CACNG5: variants seen among roughly 807,000 people sequenced by gnomAD.
The protein encoded by CACNG5 is voltage-dependent calcium channel gamma-5 subunit.
Under a neutral mutation model 24.8 loss-of-function variants are expected in CACNG5, and 18 were observed. That is an observed-to-expected ratio of 0.73 (90% confidence interval 0.50 to 1.08). The LOEUF is 1.08. Ranked by LOEUF, CACNG5 falls within the 50% of genes least tolerant of loss-of-function variation. The pLI is 0.00. For missense variants in CACNG5, 349 were observed against 367.9 expected (o/e 0.95, Z 0.42); for synonymous variants, 157 against 149.1 (o/e 1.05, Z -0.39).
intron 1 of CACNG5, among the ~76,000 whole-genome samples, chr17:66,850,518 A>G (rs1976698940): frequency 6.7e-6 from 1 of 150,280 alleles, no homozygotes; most frequent in Non-Finnish European, 1.5e-5. Flanking sequence ...GGTTTAAAGT[A>G]TATTTTTTTT....
chr17:66,879,108 G>A (rs1977124209), intron 3 of CACNG5, 50 bp downstream of exon 3: 7 of 1,360,778 alleles, frequency 5.1e-6, no homozygotes, highest in African/African-American at 1.4e-5. Flanking sequence ...ACAGAGAGGA[G>A]CAAGGCAGAG....
chr17:66,839,802 T>C (rs184839850), intron 1 of CACNG5, among the ~76,000 whole-genome samples: 16 of 152,250 alleles, frequency 1.1e-4, no homozygotes, highest in African/African-American at 3.8e-4. Context: ...CACTACCTGC[T>C]AGGCACAAAC....
Position 66,876,592 on chromosome 17 carries a change from A to C in CACNG5, c.-103-638A>C, listed in dbSNP as rs1375329170. 6.6e-5 allele frequency among the ~76,000 whole-genome samples: 10 copies of C among 152,196 alleles called. No individual in the cohort carries two copies. The East Asian group carries it at 1.7e-3, about 26-fold the overall frequency. ...TTAGGTGGATTTAGGAGGCTGTTGC[A>C]CTTGGACTGTGGTATGGCTTCTTTA... On this transcript the variant is annotated intron_variant, in intron 1 of 5. Transcript: ENST00000533854.
At chr17:66,872,703 T>G (rs1011919777) in intron 1 of CACNG5, among the ~76,000 whole-genome samples, 11 of 152,186 alleles carry the variant, frequency 7.2e-5, no homozygotes, top group Non-Finnish European at 5.9e-5. Flanking sequence ...ATTTCCTGTG[T>G]GTGCTTTGAG....
At position 66,890,047 on chromosome 17, in the gene CACNG5, A is replaced by G. The variant is rs915295785; in HGVS notation, c.*4807A>G. Among the ~76,000 whole-genome samples, 2 of 152,182 alleles carry G rather than the reference A, an allele frequency of 1.3e-5. No homozygotes were observed. The highest frequency in any genetic ancestry group is 4.8e-5 in the African/African-American group (2 of 41,452). ...CCAATTGGCAGCTCTCCAAGTCTTG[A>G]CTTTCTCCCCACACTCAGTGAACCA... On this transcript the variant is annotated 3_prime_UTR_variant, in exon 6 of 6. Coordinates refer to ENST00000533854, the MANE Select transcript of CACNG5 (RefSeq NM_145811.3).
At chr17:66,857,530 T>G (rs1478867751) in intron 1 of CACNG5, among the ~76,000 whole-genome samples, 1 of 152,254 alleles carries the variant, frequency 6.6e-6, no homozygotes, top group East Asian at 1.9e-4. Context: ...ATGTGATCAA[T>G]GTTTTTTAAA....
intron 1 of CACNG5, among the ~76,000 whole-genome samples, chr17:66,864,724 C>T (rs1976906974): frequency 6.6e-6 from 1 of 152,160 alleles, no homozygotes. Context: ...TGGTAGTTCC[C>T]ACTCATTTAT....
At chr17:66,876,301 G>A (rs574394300) in intron 1 of CACNG5, among the ~76,000 whole-genome samples, 1 of 152,312 alleles carries the variant, frequency 6.6e-6, no homozygotes, top group East Asian at 1.9e-4. Flanking sequence ...GGGTATCAGG[G>A]ATTTTTAGAC....
intron 1 of CACNG5, among the ~76,000 whole-genome samples, chr17:66,841,138 C>T (rs1000633389): frequency 1.3e-5 from 2 of 152,148 alleles, no homozygotes; most frequent in African/African-American, 4.8e-5. Flanking sequence ...TTCAGGGAGA[C>T]ATGAGACACC....
chr17:66,869,704 C>G (rs1356183823), intron 1 of CACNG5, among the ~76,000 whole-genome samples: 1 of 152,148 alleles, frequency 6.6e-6, no homozygotes, highest in African/African-American at 2.4e-5. Context: ...GAATTTATAT[C>G]ACATCTAGGT....
At chr17:66,837,101 G>A (rs1976491116) in intron 1 of CACNG5, among the ~76,000 whole-genome samples, 2 of 152,222 alleles carry the variant, frequency 1.3e-5, no homozygotes, top group African/African-American at 4.8e-5. Context: ...AGGGGGTTTT[G>A]AGAATCAAGT....
chr17:66,836,111 C>T (rs1470241877), intron 1 of CACNG5, among the ~76,000 whole-genome samples: 1 of 152,136 alleles, frequency 6.6e-6, no homozygotes, highest in Non-Finnish European at 1.5e-5. Context: ...CCAGGGCTGC[C>T]CCGGGGCTGC....
chr17:66,870,938 C>A (rs945522165), intron 1 of CACNG5, among the ~76,000 whole-genome samples: 1 of 151,892 alleles, frequency 6.6e-6, no homozygotes, highest in Non-Finnish European at 1.5e-5. Flanking sequence ...GGAGATCATG[C>A]CATTGCACCT....
rs1977251285 is a variant in CACNG5, at chr17:66,885,805, T to C, written c.*565T>C. ...TCCTTGTCACCCCTGTCCCTCCACA[T>C]GACACACCTGTCCATGCTCTTCCCT... On this transcript the variant is annotated 3_prime_UTR_variant, in exon 6 of 6. Coordinates refer to ENST00000533854, the MANE Select transcript of CACNG5 (RefSeq NM_145811.3). Among the ~76,000 whole-genome samples, 2 of 152,208 alleles carry C rather than the reference T, an allele frequency of 1.3e-5. No individual in the cohort carries two copies. Among genetic ancestry groups the C allele is most frequent in the Admixed American group, 1.3e-4 (2 of 15,278 alleles).
intron 1 of CACNG5, among the ~76,000 whole-genome samples, chr17:66,838,655 C>A (rs546611875): frequency 2.6e-5 from 4 of 152,052 alleles, no homozygotes; most frequent in African/African-American, 9.6e-5. Context: ...TGGCCATGAG[C>A]ACCCAAGGGA....
chr17:66,858,722 C>T (rs1172545790), intron 1 of CACNG5, among the ~76,000 whole-genome samples: 4 of 150,848 alleles, frequency 2.7e-5, no homozygotes, highest in African/African-American at 9.8e-5. Flanking sequence ...CAGGGGCCCC[C>T]TGAAGAGTGA....
At chr17:66,869,947 G>GTGGC (rs1175074298) in intron 1 of CACNG5, among the ~76,000 whole-genome samples, 3 of 152,042 alleles carry the variant, frequency 2.0e-5, no homozygotes, top group Non-Finnish European at 4.4e-5. Flanking sequence ...GCGGGGCGTG[G>GTGGC]TGGCAGGCTC....
At chr17:66,841,361 A>G (rs186334912) in intron 1 of CACNG5, among the ~76,000 whole-genome samples, 1 of 152,324 alleles carries the variant, frequency 6.6e-6, no homozygotes, top group African/African-American at 2.4e-5. Context: ...AGTTTGCCTT[A>G]AGCAGTTCCC....
chr17:66,885,030 G>A lies in CACNG5; in HGVS notation c.618G>A (p.Ala206=), dbSNP rs781763755. Residue 206 remains alanine (A), a synonymous_variant, in exon 6 of 6, where the codon GCG becomes GCA. Transcript: ENST00000533854. ...SVYLFMKRYT[A]EDMYRPHPGF... ...ACCTGTTTATGAAGCGGTACACCGC[G>A]GAGGACATGTACAGGCCCCACCCTG... 20 of 1,614,014 alleles carry A rather than the reference G, an allele frequency of 1.2e-5. No homozygotes were observed. Among genetic ancestry groups the A allele is most frequent in the African/African-American group, 2.7e-5 (2 of 74,902 alleles).
Sources: gnomAD v4.1 joint callset for allele counts (sites outside exome capture counted in the v4.1 genomes callset) on GRCh38, gnomAD v4.1.1 for gene constraint, MANE v1.5 for transcripts, NCBI Gene and HGNC (gene_info 2026-07-23, HGNC 2026-07-21) for gene names.